The following SGMS2 variants were observed in gnomAD, a reference collection of about 807,000 sequenced individuals.
The protein encoded by SGMS2 is sphingomyelin synthase 2.
Under a neutral mutation model 43.8 loss-of-function variants are expected in SGMS2, and 21 were observed. The ratio of observed to expected loss-of-function variants is 0.48; its 90% confidence interval spans 0.34 to 0.69. The LOEUF (loss-of-function observed/expected upper bound fraction) is 0.69. SGMS2 is among the 30% of genes least tolerant of loss of function. The probability of loss-of-function intolerance (pLI) is 0.01; values close to 1 mark genes in which losing one functional copy is unlikely to be tolerated. For missense variants in SGMS2, 384 were observed against 443.2 expected (o/e 0.87, Z 1.20); for synonymous variants, 167 against 160.6 (o/e 1.04, Z -0.30).
At chr4:107,851,982 CCA>C (rs1727170041) in intron 1 of SGMS2, among the ~76,000 whole-genome samples, 1 of 152,078 alleles carries the variant, frequency 6.6e-6, no homozygotes, top group Admixed American at 6.6e-5. Context: ...TTTGCTTGCC[CCA>C]CACACAGACT....
At position 107,899,634 on chromosome 4, in the gene SGMS2, T is replaced by C. The variant is rs781368957; in HGVS notation, c.515T>C (p.Ile172Thr). Residue 172 changes from isoleucine to threonine, a missense_variant, in exon 4 of 7, where the codon ATT becomes ACT. Ile to Thr is a moderately conservative substitution (Grantham distance 89). Coordinates refer to ENST00000690982, the MANE Select transcript of SGMS2 (RefSeq NM_001375905.1). ...GGAACTTTATACCTGTATCGCTGCA[T>C]TACAATGTATGTTACTACTCTACCT... ...IIGTLYLYRC[I>T]TMYVTTLPVP... 1 of 1,613,456 alleles carries C rather than the reference T, an allele frequency of 6.2e-7. No individual in the cohort carries two copies. The highest frequency in any genetic ancestry group is 2.2e-5 in the East Asian group (1 of 44,820).
chr4:107,856,208 T>A (rs1727418611), intron 1 of SGMS2, among the ~76,000 whole-genome samples: 2 of 152,214 alleles, frequency 1.3e-5, no homozygotes, highest in South Asian at 4.1e-4. Flanking sequence ...TATTCCTTTG[T>A]GAAATTATAC....
chr4:107,863,536 C>T (rs1727893632), intron 2 of SGMS2: 1 of 152,074 alleles, frequency 6.6e-6, no homozygotes. Context: ...AAATTTTAAC[C>T]ATAACATCAT....
intron 5 of SGMS2, chr4:107,907,067 G>T (rs1731639482): frequency 6.6e-6 from 1 of 152,106 alleles, no homozygotes. Context: ...ACTGGATCTG[G>T]CTCCTAAGAC....
chr4:107,848,167 G>A (rs908906129), intron 1 of SGMS2, among the ~76,000 whole-genome samples: 3 of 152,120 alleles, frequency 2.0e-5, no homozygotes, highest in Non-Finnish European at 4.4e-5. Flanking sequence ...GAATCATACA[G>A]TATATAGCCT....
At chr4:107,886,980 A>G (rs996740224) in intron 2 of SGMS2, among the ~76,000 whole-genome samples, 1 of 152,230 alleles carries the variant, frequency 6.6e-6, no homozygotes, top group African/African-American at 2.4e-5. Context: ...ACAGGAGTAT[A>G]CTTTACTCAA....
At chr4:107,898,460 T>C (rs181337215) in intron 3 of SGMS2, among the ~76,000 whole-genome samples, 2 of 152,310 alleles carry the variant, frequency 1.3e-5, no homozygotes, top group African/African-American at 4.8e-5. Context: ...GCCTGTTTTT[T>C]CAGAAGTCTT....
intron 1 of SGMS2, among the ~76,000 whole-genome samples, chr4:107,844,842 T>C (rs1726722531): frequency 6.6e-6 from 1 of 152,240 alleles, no homozygotes; most frequent in African/African-American, 2.4e-5. Context: ...TAACCAGGTA[T>C]AGTCAAATAC....
At chr4:107,905,597 A>T (rs1358590395) in intron 5 of SGMS2, among the ~76,000 whole-genome samples, 2 of 152,220 alleles carry the variant, frequency 1.3e-5, no homozygotes, top group African/African-American at 4.8e-5. Flanking sequence ...TTAAGCTTAG[A>T]GAAAGTGACT....
intron 2 of SGMS2, among the ~76,000 whole-genome samples, chr4:107,869,918 G>A (rs538527803): frequency 6.6e-6 from 1 of 152,230 alleles, no homozygotes; most frequent in South Asian, 2.1e-4. Flanking sequence ...TCTTTAACGA[G>A]GTCAGTAAAG....
chr4:107,834,879 T>G (rs1192946357), intron 1 of SGMS2, among the ~76,000 whole-genome samples: 1 of 152,026 alleles, frequency 6.6e-6, no homozygotes, highest in Non-Finnish European at 1.5e-5. Flanking sequence ...CCCTATCCCG[T>G]GCAAAATTAG....
At chr4:107,889,660 C>T (rs958351620) in intron 2 of SGMS2, among the ~76,000 whole-genome samples, 7 of 152,016 alleles carry the variant, frequency 4.6e-5, no homozygotes, top group Non-Finnish European at 8.8e-5. Context: ...TCATAAAAAA[C>T]GTTTTTTTCC....
rs1376853139 is a variant in SGMS2 at position 107,911,310 on chromosome 4, T to C, written c.*757T>C. ...ACAGGAAACATGAGATGGTTTCTGCTAATGAGTGGCCCTTGAGTACACACT... is the reference window on the plus strand; with the variant it reads ...ACAGGAAACATGAGATGGTTTCTGCCAATGAGTGGCCCTTGAGTACACACT... On this transcript the variant is annotated 3_prime_UTR_variant, in exon 7 of 7. Transcript: ENST00000690982. 1 of 152,242 alleles carries C rather than the reference T, an allele frequency of 6.6e-6. No homozygotes were observed. The highest frequency in any genetic ancestry group is 1.5e-5 in the Non-Finnish European group (1 of 68,058). The allele number at this position is 152,242 out of a possible 1,614,324, so 9.4% of individuals were successfully genotyped here. A position where few individuals can be genotyped will look rare whatever the true frequency, so the allele number is the denominator to read the frequency against.
intron 1 of SGMS2, among the ~76,000 whole-genome samples, chr4:107,837,112 T>C (rs1726230251): frequency 6.6e-6 from 1 of 152,010 alleles, no homozygotes; most frequent in African/African-American, 2.4e-5. Flanking sequence ...TATTTAACAC[T>C]TTTTTTTGCA....
At chr4:107,903,081 G>A (rs1731259420) in intron 4 of SGMS2, 152 bp from the exon 5 acceptor site, 1 of 698,908 alleles carries the variant, frequency 1.4e-6, no homozygotes, top group Non-Finnish European at 2.5e-6. Flanking sequence ...AACCCAGTTT[G>A]AGGAGCTTCT....
Position 107,914,847 on chromosome 4 carries a change from T to C in SGMS2, c.*4294T>C, listed in dbSNP as rs1732355111. ...CAGGAGGAATTTAGGAGTGTAACTA[T>C]AGTTTATACTTCTATAATGTTGTCT... On this transcript the variant is annotated 3_prime_UTR_variant, in exon 7 of 7. Transcript: ENST00000690982. The C allele has an allele frequency of 6.6e-6, 1 of 152,200 alleles. No homozygotes were observed. The highest frequency in any genetic ancestry group is 1.5e-5 in the Non-Finnish European group (1 of 68,014). 9.4% of individuals were successfully genotyped at this position (152,200 alleles called of 1,614,324 possible).
rs754535984 is a variant in SGMS2, at chr4:107,895,823, C to A, written c.270C>A (p.Leu90=). 1.2e-6 allele frequency: 2 copies of A among 1,613,812 alleles called. No homozygotes were observed. Among genetic ancestry groups the A allele is most frequent in the African/African-American group, 1.3e-5 (1 of 74,886 alleles). The part of the protein sequence containing the change: ...GIAFIYAVFN[L]VLTTVMITVV... The stretch of plus-strand genomic sequence containing the variant: ...CCTTCATATATGCAGTTTTCAACCT[C>A]GTCTTGACAACCGTCATGATCACAG... The change falls in exon 3 of 7, where the codon CTC becomes CTA. Residue 90 remains leucine, a synonymous_variant. Transcript: ENST00000690982.
At chr4:107,866,224 T>C (rs1220268448) in intron 2 of SGMS2, among the ~76,000 whole-genome samples, 1 of 152,118 alleles carries the variant, frequency 6.6e-6, no homozygotes, top group Non-Finnish European at 1.5e-5. Flanking sequence ...CATGGATGTG[T>C]TATCCACAAA....
intron 5 of SGMS2, among the ~76,000 whole-genome samples, chr4:107,906,851 ATAGTTC>A (rs1478420335): frequency 6.6e-6 from 1 of 152,210 alleles, no homozygotes; most frequent in African/African-American, 2.4e-5. Context: ...CAAATGCAAA[ATAGTTC>A]TAGTTTGCCT....
Sources: allele counts gnomAD v4.1 joint callset (sites outside exome capture counted in the v4.1 genomes callset), GRCh38; gene constraint gnomAD v4.1.1; transcripts MANE v1.5; gene names NCBI Gene and HGNC (gene_info 2026-07-23, HGNC 2026-07-21).